The following GOSR1 variants were observed in gnomAD, a reference collection of about 807,000 sequenced individuals.
The protein encoded by GOSR1 is golgi SNAP receptor complex member 1, also known as 28 kDa Golgi SNARE protein.
Under a neutral mutation model 35.5 loss-of-function variants are expected in GOSR1, and 21 were observed. That is an observed-to-expected ratio of 0.59 (90% CI 0.42 to 0.85). The LOEUF is 0.85. Ranked by LOEUF, GOSR1 falls within the 40% of genes least tolerant of loss-of-function variation. The pLI is 0.00. For missense variants in GOSR1, 285 were observed against 309.6 expected, an observed-to-expected ratio of 0.92 and a Z score of 0.60; for synonymous variants, 94 against 106.6, an observed-to-expected ratio of 0.88 and a Z score of 0.73.
chr17:30,490,214 TTGAG>T lies in GOSR1; in HGVS notation c.433_434+2del, dbSNP rs1567901803. The T allele has an allele frequency of 1.4e-6, 2 of 1,379,926 alleles. No individual in the cohort carries two copies. Among genetic ancestry groups the T allele is most frequent in the Non-Finnish European group, 2.1e-6 (2 of 967,190 alleles). 85.5% of individuals were successfully genotyped at this position (1,379,926 alleles called of 1,614,324 possible). A position where few individuals can be genotyped will look rare whatever the true frequency, so the allele number is the denominator to read the frequency against. Reference sequence around the variant, plus strand: ...CTTATGGGATCAGTACGAAAAGATATTGAGTAAGTTACTTTTTATATTATTTTGT... The same window carrying T: ...CTTATGGGATCAGTACGAAAAGATATTAAGTTACTTTTTATATTATTTTGT... On this transcript the variant is annotated splice_donor_variant and coding_sequence_variant, in exon 5 of 9. Coordinates refer to ENST00000451249, the MANE Select transcript of GOSR1 (RefSeq NM_001007025.2). LOFTEE classifies it high-confidence loss of function.
chr17:30,507,186 G>T (rs1221752424), intron 6 of GOSR1, among the ~76,000 whole-genome samples: 2 of 152,148 alleles, frequency 1.3e-5, no homozygotes, highest in Non-Finnish European at 2.9e-5. Context: ...GGCTAAAGCT[G>T]CCATAGATAG....
intron 6 of GOSR1, among the ~76,000 whole-genome samples, chr17:30,496,783 G>A (rs902045596): frequency 1.8e-4 from 28 of 152,194 alleles, no homozygotes; most frequent in African/African-American, 6.5e-4. Flanking sequence ...AGGATAATAA[G>A]ATTAGAGAGT....
At chr17:30,518,489 T>C (rs1414015358) in intron 7 of GOSR1, among the ~76,000 whole-genome samples, 1 of 152,194 alleles carries the variant, frequency 6.6e-6, no homozygotes, top group African/African-American at 2.4e-5. Context: ...CATTTCATTT[T>C]CTGTTGCTAT....
chr17:30,504,096 G>A (rs113992388), intron 6 of GOSR1, among the ~76,000 whole-genome samples: 22 of 150,296 alleles, frequency 1.5e-4, no homozygotes, highest in Admixed American at 9.3e-4. Flanking sequence ...GCACGATCTC[G>A]GCTCACTGCA....
rs1364206506 is a variant in GOSR1 at position 30,524,748 on chromosome 17, G to A, written c.*2370G>A. 2 of 152,176 alleles carry A rather than the reference G, an allele frequency of 1.3e-5. No individual in the cohort carries two copies. The highest frequency in any genetic ancestry group is 2.9e-5 in the Non-Finnish European group (2 of 68,030). The allele number at this position is 152,176 out of a possible 1,614,324, so 9.4% of individuals were successfully genotyped here. ...AAGCCACATATAAAAAGGCATTGAGGGCTCACTGTCCAGAGAATTGCTTTT... is the reference window on the plus strand; with the variant it reads ...AAGCCACATATAAAAAGGCATTGAGAGCTCACTGTCCAGAGAATTGCTTTT... On this transcript the variant is annotated 3_prime_UTR_variant, in exon 9 of 9. Coordinates refer to ENST00000451249, the MANE Select transcript of GOSR1 (RefSeq NM_001007025.2).
At chr17:30,490,411 C>T in intron 5 of GOSR1, 194 bp downstream of exon 5, 1 of 437,558 alleles carries the variant, frequency 2.3e-6, no homozygotes, top group Non-Finnish European at 4.2e-6. Flanking sequence ...TCTCATGCTT[C>T]CTCTTACTTT....
intron 4 of GOSR1, chr17:30,485,161 A>G: frequency 3.7e-6 from 1 of 270,000 alleles, no homozygotes; most frequent in East Asian, 8.5e-5. Flanking sequence ...TATACTTAGT[A>G]TATTGTTTAA....
At chr17:30,484,641 T>G (rs757574248) in intron 3 of GOSR1, 22 bp from the exon 4 acceptor site, 12 of 1,152,774 alleles carry the variant, frequency 1.0e-5, no homozygotes, top group South Asian at 4.2e-5. Flanking sequence ...ATTTTGATTG[T>G]TTTTTTTTTC....
intron 8 of GOSR1, among the ~76,000 whole-genome samples, chr17:30,520,961 A>C (rs141162234): frequency 9.6e-4 from 146 of 151,554 alleles, no homozygotes; most frequent in African/African-American, 3.5e-3. Context: ...TATGAACTCA[A>C]TTGCCAGCCA....
intron 1 of GOSR1, chr17:30,478,463 A>G (rs1914096579): frequency 6.6e-6 from 1 of 152,214 alleles, no homozygotes; most frequent in South Asian, 2.1e-4. Context: ...GTTTCCTACT[A>G]GAGAAGACAA....
intron 7 of GOSR1, among the ~76,000 whole-genome samples, chr17:30,517,617 T>C (rs1018595340): frequency 4.6e-5 from 7 of 152,066 alleles, no homozygotes; most frequent in East Asian, 1.9e-4. Context: ...CTTTTTGCTG[T>C]TGTTGTTCAT....
chr17:30,490,602 A>G (rs1433172687), intron 5 of GOSR1, among the ~76,000 whole-genome samples: 1 of 152,128 alleles, frequency 6.6e-6, no homozygotes, highest in Non-Finnish European at 1.5e-5. Context: ...CAGTAACTGA[A>G]GCTCCCTATG....
chr17:30,493,424 A>G (rs1007492304), intron 6 of GOSR1, among the ~76,000 whole-genome samples: 6 of 152,230 alleles, frequency 3.9e-5, no homozygotes, highest in Non-Finnish European at 4.4e-5. Context: ...CCTCAGTATG[A>G]TAACACAAGC....
chr17:30,505,958 G>A (rs781668678), intron 6 of GOSR1, among the ~76,000 whole-genome samples: 13 of 152,016 alleles, frequency 8.6e-5, no homozygotes, highest in Non-Finnish European at 1.8e-4. Flanking sequence ...AAACACCTGG[G>A]GACTCAAGTA....
At chr17:30,497,797 G>A (rs147664596) in intron 6 of GOSR1, among the ~76,000 whole-genome samples, 6 of 152,310 alleles carry the variant, frequency 3.9e-5, no homozygotes, top group African/African-American at 9.6e-5. Flanking sequence ...AGTGGCTCAC[G>A]CCTGTAATTC....
chr17:30,483,357 T>A (rs1199126391), intron 2 of GOSR1, among the ~76,000 whole-genome samples: 2 of 152,152 alleles, frequency 1.3e-5, no homozygotes, highest in East Asian at 3.8e-4. Context: ...CAGCAGAAGT[T>A]TAATGAGCAT....
chr17:30,490,241 T>G (rs1914956485), intron 5 of GOSR1, 24 bp downstream of exon 5: 1 of 1,113,628 alleles, frequency 9.0e-7, no homozygotes, highest in African/African-American at 1.5e-5. Context: ...TATATTATTT[T>G]GTAGAATATT....
intron 6 of GOSR1, among the ~76,000 whole-genome samples, chr17:30,500,519 C>T (rs1597783070): frequency 6.6e-6 from 1 of 152,210 alleles, no homozygotes; most frequent in Admixed American, 6.5e-5. Context: ...AAGATGTTGA[C>T]ATCTTTCTAG....
intron 4 of GOSR1, among the ~76,000 whole-genome samples, chr17:30,486,207 A>G (rs935652198): frequency 6.6e-6 from 1 of 152,028 alleles, no homozygotes; most frequent in African/African-American, 2.4e-5. Context: ...TGATGGTGCA[A>G]TTAGACAGTA....
Sources: allele counts gnomAD v4.1 joint callset (sites outside exome capture counted in the v4.1 genomes callset), GRCh38; gene constraint gnomAD v4.1.1; transcripts MANE v1.5; gene names NCBI Gene and HGNC (gene_info 2026-07-23, HGNC 2026-07-21).